Variants in RGS22 observed in about 807,000 individuals in gnomAD.
RGS22 encodes the protein regulator of G-protein signaling 22.
Under a neutral mutation model 172.9 loss-of-function variants are expected in RGS22, and 148 were observed. That is an observed-to-expected ratio of 0.86 (90% confidence interval 0.75 to 0.98). RGS22 has a LOEUF of 0.98. RGS22 is among the 50% of genes least tolerant of loss of function. The pLI, the probability that RGS22 is intolerant of heterozygous loss-of-function variation, is 0.00. For synonymous variants in RGS22, 458 were observed against 480.2 expected, an observed-to-expected ratio of 0.95 and a Z score of 0.60; for missense variants, 1,347 against 1,440.8, an observed-to-expected ratio of 0.93 and a Z score of 1.05.
chr8:100,071,438 A>C lies in RGS22; in HGVS notation c.525T>G (p.Ser175Arg), dbSNP rs1416524661. ...FSPWIVKKPP[S>R]LPPPATEEDN... ...CTTCTTCAGTGGCAGGAGGTGGTAG[A>C]CTGGGTGGTTTTTTCACGATCCAGG... Residue 175 changes from serine to arginine, a missense_variant, in exon 6 of 28, where the codon AGT becomes AGG. Ser to Arg is a moderately radical substitution (Grantham distance 110, BLOSUM62 -1). Coordinates refer to ENST00000360863, the MANE Select transcript of RGS22 (RefSeq NM_015668.5). 5.0e-6 allele frequency: 8 copies of C among 1,613,330 alleles called. No individual in the cohort carries two copies. Among genetic ancestry groups the C allele is most frequent in the Non-Finnish European group, 6.8e-6 (8 of 1,179,546 alleles).
At position 99,962,892 on chromosome 8, in the gene RGS22, C is replaced by T. The variant is rs566358739; in HGVS notation, c.3702G>A (p.Leu1234=). The change falls in exon 25 of 28, where the codon TTG becomes TTA. Residue 1234 remains leucine, a synonymous_variant. Coordinates refer to ENST00000360863, the MANE Select transcript of RGS22 (RefSeq NM_015668.5). ...LKIQEELEKK[L]FAGLQPLTNF... ...GCAGAAGGCAAAAATTACCTGCAAA[C>T]AACTTTTTTTCTAGTTCTTCTTGGA... The T allele has an allele frequency of 2.4e-5, 38 of 1,596,230 alleles. No individual in the cohort carries two copies. In the South Asian group the frequency reaches 3.9e-4, roughly 17 times the overall value.
chr8:100,032,828 C>T (rs1321423087), intron 14 of RGS22, among the ~76,000 whole-genome samples: 2 of 152,196 alleles, frequency 1.3e-5, no homozygotes, highest in African/African-American at 4.8e-5. Context: ...TCTCAGACCA[C>T]AGTGCAATCA....
intron 18 of RGS22, among the ~76,000 whole-genome samples, chr8:100,000,016 G>C (rs1444004769): frequency 6.6e-6 from 1 of 152,142 alleles, no homozygotes; most frequent in African/African-American, 2.4e-5. Context: ...GCAGAAAACA[G>C]AGGCAACAGG....
intron 4 of RGS22, among the ~76,000 whole-genome samples, chr8:100,076,459 G>A (rs547487358): frequency 1.3e-5 from 2 of 152,268 alleles, no homozygotes; most frequent in South Asian, 4.1e-4. Context: ...TGGCATCAGT[G>A]TAATGCTCAT....
At chr8:100,003,153 A>G in intron 17 of RGS22, 1 of 237,236 alleles carries the variant, frequency 4.2e-6, no homozygotes, top group Non-Finnish European at 8.7e-6. Flanking sequence ...AAAATAACTT[A>G]AGGTATAACT....
chr8:100,025,957 T>C (rs1238530663), intron 14 of RGS22, among the ~76,000 whole-genome samples: 1 of 151,590 alleles, frequency 6.6e-6, no homozygotes, highest in Non-Finnish European at 1.5e-5. Context: ...ATAGAAAGAA[T>C]GCTTGGGGAG....
chr8:99,981,726 T>G (rs1032649756), intron 22 of RGS22, among the ~76,000 whole-genome samples: 4 of 100,974 alleles, frequency 4.0e-5, no homozygotes, highest in African/African-American at 2.4e-4. Flanking sequence ...TTTTTTAGGT[T>G]TTTTTTTTTT....
chr8:99,985,598 C>T lies in RGS22; in HGVS notation c.3180+1860G>A, dbSNP rs114618319. On this transcript the variant is annotated intron_variant, in intron 21 of 27. Coordinates refer to ENST00000360863, the MANE Select transcript of RGS22 (RefSeq NM_015668.5). ...GCAGTGTGTTGTATTCACCTTTTTA[C>T]GCCTACAATTTAGCATAATAACATT... Among the ~76,000 whole-genome samples, 1,047 of 152,276 alleles carry T rather than the reference C, an allele frequency of 6.9e-3. 12 individuals are homozygous for T. Among genetic ancestry groups the T allele is most frequent in the African/African-American group, 0.024 (996 of 41,544 alleles).
chr8:100,065,347 T>C (rs552549859), intron 7 of RGS22, among the ~76,000 whole-genome samples: 2 of 152,276 alleles, frequency 1.3e-5, no homozygotes, highest in South Asian at 4.1e-4. Flanking sequence ...TATTTTTATC[T>C]CCAATTATAT....
intron 23 of RGS22, among the ~76,000 whole-genome samples, chr8:99,971,271 T>C (rs1022745227): frequency 6.6e-6 from 1 of 152,184 alleles, no homozygotes; most frequent in Non-Finnish European, 1.5e-5. Flanking sequence ...GCCAATATCA[T>C]ACTGAATGGG....
intron 10 of RGS22, 69 bp downstream of exon 10, chr8:100,052,733 C>A: frequency 7.3e-7 from 1 of 1,363,338 alleles, no homozygotes. Context: ...ATTATCAGTG[C>A]ACAAACACTC....
At chr8:100,039,680 C>T (rs1055932044) in intron 13 of RGS22, among the ~76,000 whole-genome samples, 1 of 151,950 alleles carries the variant, frequency 6.6e-6, no homozygotes, top group African/African-American at 2.4e-5. Flanking sequence ...CTGGCCAATA[C>T]TTTTCATTTG....
chr8:99,999,442 CAG>C, intron 18 of RGS22, 22 bp from the exon 19 acceptor site: 4 of 1,609,238 alleles, frequency 2.5e-6, no homozygotes, highest in Middle Eastern at 1.7e-4. Context: ...AAGATGGAAA[CAG>C]AAACTATTGT....
chr8:99,968,932 A>T (rs1163436522), intron 23 of RGS22, among the ~76,000 whole-genome samples: 2 of 152,134 alleles, frequency 1.3e-5, no homozygotes, highest in Non-Finnish European at 2.9e-5. Flanking sequence ...TAATCATCAG[A>T]TTCTCCAAGG....
Position 100,047,508 on chromosome 8 carries a change from T to C in RGS22, c.1778A>G (p.Glu593Gly), listed in dbSNP as rs971061787. Residue 593 changes from glutamate (E) to glycine (G), a missense_variant, in exon 11 of 28, where the codon GAG becomes GGG. Transcript: ENST00000360863. ...CTTAGAAGAACCTGGATACAAAAGC[T>C]CCCGCTTCCAAGGCTTTTGAGTTGC... ...KTATQKPWKR[E>G]LLYPGSSKDD... The C allele has an allele frequency of 2.5e-6, 4 of 1,612,200 alleles. No individual in the cohort carries two copies. The African/African-American group carries it at 4.0e-5, about 16-fold the overall frequency.
chr8:100,037,956 A>G (rs1345950204), intron 14 of RGS22, among the ~76,000 whole-genome samples: 1 of 152,226 alleles, frequency 6.6e-6, no homozygotes, highest in Non-Finnish European at 1.5e-5. Context: ...TGATTTACAA[A>G]GCATAGTTAT....
At chr8:99,976,430 C>A (rs1005910793) in intron 23 of RGS22, among the ~76,000 whole-genome samples, 1 of 152,164 alleles carries the variant, frequency 6.6e-6, no homozygotes, top group Non-Finnish European at 1.5e-5. Flanking sequence ...GGCGCCATCT[C>A]GGCTCACTGC....
At chr8:100,055,139 C>T (rs527755292) in intron 9 of RGS22, among the ~76,000 whole-genome samples, 1 of 152,162 alleles carries the variant, frequency 6.6e-6, no homozygotes, top group Non-Finnish European at 1.5e-5. Flanking sequence ...AATTGTAGAG[C>T]CCAGGGCTTT....
chr8:99,972,788 C>A (rs1811507709), intron 23 of RGS22, among the ~76,000 whole-genome samples: 1 of 152,038 alleles, frequency 6.6e-6, no homozygotes, highest in Non-Finnish European at 1.5e-5. Flanking sequence ...AATCCCAGCA[C>A]TTTGGGAGGC....
Sources: gnomAD v4.1 joint callset for allele counts (sites outside exome capture counted in the v4.1 genomes callset) on GRCh38, gnomAD v4.1.1 for gene constraint, MANE v1.5 for transcripts, NCBI Gene and HGNC (gene_info 2026-07-23, HGNC 2026-07-21) for gene names.